NLGN1: variants seen among roughly 807,000 people sequenced by gnomAD.
The protein encoded by NLGN1 is neuroligin 1.
In NLGN1, 12 loss-of-function variants were observed where a neutral mutation model predicts 65.5. That is an observed-to-expected ratio of 0.18 (90% CI 0.12 to 0.30). The LOEUF (loss-of-function observed/expected upper bound fraction) is 0.30, where lower values mean the gene tolerates loss of function less well. Ranked by LOEUF, NLGN1 falls within the 10% of genes least tolerant of loss-of-function variation. The probability of loss-of-function intolerance (pLI) is 1.00; values close to 1 mark genes in which losing one functional copy is unlikely to be tolerated. For synonymous variants in NLGN1, 350 were observed against 359.5 expected (o/e 0.97, Z 0.30); for missense variants, 750 against 1,007.1 (o/e 0.74, Z 3.46).
intron 4 of NLGN1, among the ~76,000 whole-genome samples, chr3:174,068,159 A>G (rs1490191722): frequency 2.0e-5 from 3 of 151,268 alleles, no homozygotes; most frequent in African/African-American, 7.3e-5. Context: ...GTAGCCTTTT[A>G]GAGCTCCAAG....
At chr3:173,519,256 C>A (rs1030663166) in intron 2 of NLGN1, among the ~76,000 whole-genome samples, 2 of 152,192 alleles carry the variant, frequency 1.3e-5, no homozygotes, top group Non-Finnish European at 2.9e-5. Context: ...CATGGAGAAC[C>A]TCTACTAGGG....
chr3:173,812,350 G>A (rs1056749229), intron 4 of NLGN1, among the ~76,000 whole-genome samples: 4 of 152,152 alleles, frequency 2.6e-5, no homozygotes, highest in South Asian at 4.1e-4. Flanking sequence ...ATTAGATATG[G>A]TTAATGAAAT....
At chr3:174,124,851 G>A (rs374285529) in intron 4 of NLGN1, among the ~76,000 whole-genome samples, 5 of 151,930 alleles carry the variant, frequency 3.3e-5, no homozygotes, top group East Asian at 1.9e-4. Flanking sequence ...AATTTAGCAC[G>A]GAGGTTCCTG....
chr3:173,642,928 TA>T (rs994770048), intron 3 of NLGN1, among the ~76,000 whole-genome samples: 1 of 152,270 alleles, frequency 6.6e-6, no homozygotes, highest in African/African-American at 2.4e-5. Context: ...GACAAGACAT[TA>T]AAAGTCATAA....
At chr3:173,728,802 A>AT (rs1207592406) in intron 3 of NLGN1, among the ~76,000 whole-genome samples, 7 of 152,114 alleles carry the variant, frequency 4.6e-5, no homozygotes, top group Middle Eastern at 3.4e-3. Context: ...GCAAAGAAGG[A>AT]TTTTTTTCCC....
At chr3:173,551,187 G>T (rs1740794719) in intron 2 of NLGN1, among the ~76,000 whole-genome samples, 1 of 152,104 alleles carries the variant, frequency 6.6e-6, no homozygotes, top group African/African-American at 2.4e-5. Flanking sequence ...GAAATTAGAG[G>T]AATCTTAGTG....
intron 2 of NLGN1, among the ~76,000 whole-genome samples, chr3:173,528,396 G>C (rs1310380964): frequency 1.3e-5 from 2 of 152,012 alleles, no homozygotes; most frequent in Non-Finnish European, 2.9e-5. Context: ...ACCTTGCATA[G>C]CTTTATAACT....
chr3:173,546,691 G>A (rs184145205), intron 2 of NLGN1, among the ~76,000 whole-genome samples: 2 of 152,260 alleles, frequency 1.3e-5, no homozygotes, highest in East Asian at 3.9e-4. Context: ...CAGCTGGGCT[G>A]CGCTATTAAA....
chr3:173,539,796 A>G (rs899668380), intron 2 of NLGN1, among the ~76,000 whole-genome samples: 1 of 79,014 alleles, frequency 1.3e-5, no homozygotes, highest in East Asian at 9.2e-4. Flanking sequence ...GTACATATAT[A>G]CATATATATA....
chr3:173,543,080 A>G (rs1434230569), intron 2 of NLGN1, among the ~76,000 whole-genome samples: 11 of 152,122 alleles, frequency 7.2e-5, no homozygotes, highest in Admixed American at 7.2e-4. Context: ...CTGCCTTTGC[A>G]CAACTCAGAT....
At chr3:173,901,811 C>T (rs1224880458) in intron 4 of NLGN1, among the ~76,000 whole-genome samples, 2 of 152,040 alleles carry the variant, frequency 1.3e-5, no homozygotes, top group African/African-American at 4.8e-5. Flanking sequence ...CACTGCCCTT[C>T]AAGAAATCTG....
chr3:174,237,560 A>T (rs977105480), intron 4 of NLGN1, among the ~76,000 whole-genome samples: 4 of 152,024 alleles, frequency 2.6e-5, no homozygotes, highest in Admixed American at 6.6e-5. Flanking sequence ...TGGTTAGGAT[A>T]CATTTTTTTT....
chr3:174,252,699 C>G (rs1372142480), intron 4 of NLGN1, among the ~76,000 whole-genome samples: 1 of 152,120 alleles, frequency 6.6e-6, no homozygotes, highest in Non-Finnish European at 1.5e-5. Context: ...ATCTTTAAGA[C>G]ATCAGAGTTC....
chr3:174,289,355 T>C (rs1298370858), downstream of NLGN1, among the ~76,000 whole-genome samples: 1 of 151,438 alleles, frequency 6.6e-6, no homozygotes, highest in Non-Finnish European at 1.5e-5. Flanking sequence ...TACTTGTTAA[T>C]GATAGAAAAG....
At chr3:174,013,468 A>G (rs1367732992) in intron 4 of NLGN1, among the ~76,000 whole-genome samples, 2 of 152,228 alleles carry the variant, frequency 1.3e-5, no homozygotes, top group African/African-American at 4.8e-5. Flanking sequence ...ACTCAAAAGC[A>G]GTTATGTCAG....
At chr3:173,567,765 T>C (rs962437202) in intron 2 of NLGN1, among the ~76,000 whole-genome samples, 28 of 152,070 alleles carry the variant, frequency 1.8e-4, no homozygotes, top group African/African-American at 6.8e-4. Context: ...TCTGGGATTA[T>C]TCTTTTGGAT....
intron 2 of NLGN1, among the ~76,000 whole-genome samples, chr3:173,592,367 A>G (rs1488602467): frequency 6.6e-6 from 1 of 152,210 alleles, no homozygotes; most frequent in African/African-American, 2.4e-5. Flanking sequence ...AATGCAGAAG[A>G]CGATGCTGTC....
intron 3 of NLGN1, among the ~76,000 whole-genome samples, chr3:173,641,790 G>A (rs918855088): frequency 6.6e-6 from 1 of 152,184 alleles, no homozygotes; most frequent in African/African-American, 2.4e-5. Flanking sequence ...TAGAGCCTGT[G>A]AAGCAAATCC....
intron 4 of NLGN1, among the ~76,000 whole-genome samples, chr3:174,232,693 C>T (rs144774937): frequency 6.6e-6 from 1 of 151,904 alleles, no homozygotes; most frequent in Non-Finnish European, 1.5e-5. Flanking sequence ...AGAGAAAGGC[C>T]GAAAACAGGT....
Sources: gnomAD v4.1 joint callset for allele counts (sites outside exome capture counted in the v4.1 genomes callset) on GRCh38, gnomAD v4.1.1 for gene constraint, MANE v1.5 for transcripts, NCBI Gene and HGNC (gene_info 2026-07-23, HGNC 2026-07-21) for gene names.